TCF4: variants seen among roughly 807,000 people sequenced by gnomAD.
TCF4 encodes the protein SL3-3 enhancer factor 2.
TCF4 carries 3 observed loss-of-function variants against 82.1 expected under a neutral mutation model. That is an observed-to-expected ratio of 0.04 (90% confidence interval 0.02 to 0.09). TCF4 has a LOEUF of 0.09. Ranked by LOEUF, TCF4 falls within the 10% of genes least tolerant of loss-of-function variation. The probability of loss-of-function intolerance (pLI) is 1.00; values close to 1 mark genes in which losing one functional copy is unlikely to be tolerated. For missense variants in TCF4, 518 were observed against 852.7 expected, an observed-to-expected ratio of 0.61 and a Z score of 4.89; for synonymous variants, 276 against 309.6, an observed-to-expected ratio of 0.89 and a Z score of 1.14.
rs1411851440 is a variant in TCF4 at position 55,222,197 on chromosome 18, A to G, written c.*5838T>C. 2 of 152,186 alleles carry G rather than the reference A, an allele frequency of 1.3e-5. No individual in the cohort carries two copies. Among genetic ancestry groups the G allele is most frequent in the East Asian group, 1.9e-4 (1 of 5,200 alleles). The allele number at this position is 152,186 out of a possible 1,614,324, so 9.4% of individuals were successfully genotyped here. On this transcript the variant is annotated 3_prime_UTR_variant, in exon 20 of 20. Transcript: ENST00000354452. ...ATGAACCAAAATGTAAGATTAATGT[A>G]CCTTTTAATGTGGTCCTCTAAAAGA...
At chr18:55,473,819 C>A (rs959906722) in intron 3 of TCF4, among the ~76,000 whole-genome samples, 8 of 152,150 alleles carry the variant, frequency 5.3e-5, no homozygotes, top group Non-Finnish European at 1.0e-4. Flanking sequence ...GAACTTAATG[C>A]AGTTATTCCC....
chr18:55,238,415 C>T (rs1054178074), intron 15 of TCF4, among the ~76,000 whole-genome samples: 1 of 152,156 alleles, frequency 6.6e-6, no homozygotes, highest in African/African-American at 2.4e-5. Flanking sequence ...CAAACATTTT[C>T]TAATCTAGCT....
chr18:55,232,685 G>A lies in TCF4; in HGVS notation c.1487-14C>T. The A allele has an allele frequency of 6.2e-7, 1 of 1,614,088 alleles. No homozygotes were observed. The highest frequency in any genetic ancestry group is 8.5e-7 in the Non-Finnish European group (1 of 1,180,004). ...CTGGTGGCATGCCTGCCGAAAAAGA[G>A]AAATCAGGTGACATGTACACCACAA... On this transcript the variant is annotated splice_polypyrimidine_tract_variant and intron_variant, in intron 16 of 19. Transcript: ENST00000354452.
rs115253393 is a variant in TCF4, at chr18:55,405,021, T to G, written c.305-1503A>C. Among the ~76,000 whole-genome samples the G allele has an allele frequency of 3.4e-3, 522 of 152,374 alleles. 5 individuals carry two copies. The highest frequency in any genetic ancestry group is 0.012 in the African/African-American group (480 of 41,592). On this transcript the variant is annotated intron_variant, in intron 5 of 19. Coordinates refer to ENST00000354452, the MANE Select transcript of TCF4 (RefSeq NM_001083962.2). ...TGAAACAAGACACCATCGCACAGAC[T>G]GTCAGTCTTAGAAGATCTAACAGAA...
chr18:55,249,993 A>G (rs1395557105), intron 15 of TCF4, among the ~76,000 whole-genome samples: 2 of 152,216 alleles, frequency 1.3e-5, no homozygotes, highest in Non-Finnish European at 2.9e-5. Context: ...TAAGAAATCT[A>G]ATCATTTAAT....
intron 2 of TCF4, chr18:55,585,803 A>C: frequency 9.0e-7 from 1 of 1,106,754 alleles, no homozygotes; most frequent in Non-Finnish European, 1.1e-6. Context: ...TAAAAATAAA[A>C]GTGCCACCTG....
chr18:55,252,826 A>T (rs1359069439), intron 15 of TCF4, among the ~76,000 whole-genome samples: 1 of 152,168 alleles, frequency 6.6e-6, no homozygotes, highest in Non-Finnish European at 1.5e-5. Flanking sequence ...ATAAAGCCAG[A>T]TTTCTTAATT....
At chr18:55,611,641 A>C (rs954842349) in intron 2 of TCF4, among the ~76,000 whole-genome samples, 1 of 152,062 alleles carries the variant, frequency 6.6e-6, no homozygotes, top group African/African-American at 2.4e-5. Flanking sequence ...ATAATTTGAA[A>C]TCTTCTAGGA....
In TCF4 at chr18:55,588,105, G is replaced by GCCGCCA. The variant is rs2097670561; in HGVS notation, c.-94_-89dup. 2 of 1,024,104 alleles carry GCCGCCA rather than the reference G, an allele frequency of 2.0e-6. No individual in the cohort carries two copies. Among genetic ancestry groups the GCCGCCA allele is most frequent in the Admixed American group, 6.0e-5 (1 of 16,740 alleles). 63.4% of individuals were successfully genotyped at this position (1,024,104 alleles called of 1,614,324 possible). A position where few individuals can be genotyped will look rare whatever the true frequency, so the allele number is the denominator to read the frequency against. On this transcript the variant is annotated 5_prime_UTR_variant, in exon 1 of 20. Transcript: ENST00000354452. ...GAGGCGGCGTTCATGTCTAACCGCC[G>GCCGCCA]CCGCCACCGCCGCCGCCTGCTCCTG...
chr18:55,591,769 G>A (rs995108754), upstream of TCF4, among the ~76,000 whole-genome samples: 1 of 152,014 alleles, frequency 6.6e-6, no homozygotes, highest in African/African-American at 2.4e-5. Context: ...TGCCCACCTC[G>A]GCCTCCCAAA....
At chr18:55,542,607 T>C (rs1323010755) in intron 3 of TCF4, among the ~76,000 whole-genome samples, 3 of 151,996 alleles carry the variant, frequency 2.0e-5, no homozygotes, top group African/African-American at 7.2e-5. Context: ...CTTCTGATTT[T>C]ATTTGCCCAC....
chr18:55,482,187 C>T (rs1403331370), intron 3 of TCF4: 1 of 152,202 alleles, frequency 6.6e-6, no homozygotes, highest in Admixed American at 6.5e-5. Flanking sequence ...CTAAAGCAGG[C>T]TTCTCTCATG....
chr18:55,463,179 G>A (rs1362630399), intron 4 of TCF4, among the ~76,000 whole-genome samples: 1 of 152,152 alleles, frequency 6.6e-6, no homozygotes, highest in Non-Finnish European at 1.5e-5. Context: ...GGCATTGTAT[G>A]TACATCATAA....
chr18:55,592,401 C>T (rs946509157), upstream of TCF4, among the ~76,000 whole-genome samples: 2 of 152,158 alleles, frequency 1.3e-5, no homozygotes, highest in African/African-American at 4.8e-5. Flanking sequence ...TACCTTCTCA[C>T]TGAATTCTCA....
rs59685050 is a variant in TCF4 at position 55,511,331 on chromosome 18, T to TAAAAAAAAAAAAAAAAAAAAAA, written c.146-47195_146-47194insTTTTTTTTTTTTTTTTTTTTTT. ...AGGTAATAGAGTAATTCCAAAAGTTTAAAAAAAAAAAAAAAAAAAGCATTC... is the reference window on the plus strand; with the variant it reads ...AGGTAATAGAGTAATTCCAAAAGTTTAAAAAAAAAAAAAAAAAAAAAAAAAAAAAAAAAAAAAAAAAGCATTC... On this transcript the variant is annotated intron_variant, in intron 3 of 19. Coordinates refer to ENST00000354452, the MANE Select transcript of TCF4 (RefSeq NM_001083962.2). 1.5e-5 allele frequency among the ~76,000 whole-genome samples: 2 copies of TAAAAAAAAAAAAAAAAAAAAAA among 131,400 alleles called. 1 individual carries two copies. 86.2% of individuals were successfully genotyped at this position (131,400 alleles called of 152,430 possible).
rs562876974 is a variant in TCF4, at chr18:55,524,480, T to C, written c.146-60343A>G. On this transcript the variant is annotated intron_variant, in intron 3 of 19. Coordinates refer to ENST00000354452, the MANE Select transcript of TCF4 (RefSeq NM_001083962.2). ...GTATCTTGCTAATCATTTTCAGATA[T>C]TCTTCAAGTGTTCTTTTCTTTAAAT... Among the ~76,000 whole-genome samples the C allele has an allele frequency of 7.9e-5, 12 of 152,240 alleles. No individual in the cohort carries two copies. The East Asian group carries it at 2.3e-3, about 29-fold the overall frequency.
At chr18:55,634,542 G>A (rs576821799) in intron 1 of TCF4, among the ~76,000 whole-genome samples, 2 of 152,214 alleles carry the variant, frequency 1.3e-5, no homozygotes, top group African/African-American at 4.8e-5. Context: ...CCCATCTAGT[G>A]TGGAGGAATA....
At chr18:55,581,547 C>T (rs1451595433) in intron 3 of TCF4, among the ~76,000 whole-genome samples, 1 of 152,058 alleles carries the variant, frequency 6.6e-6, no homozygotes, top group Non-Finnish European at 1.5e-5. Context: ...TACACACACA[C>T]ACAATATTAA....
At chr18:55,275,841 C>A in intron 9 of TCF4, 89 bp from the exon 10 acceptor site, 2 of 1,521,956 alleles carry the variant, frequency 1.3e-6, no homozygotes, top group Non-Finnish European at 1.8e-6. Context: ...AAAATGACTG[C>A]CTGTTGTGTT....
Sources: allele counts gnomAD v4.1 joint callset (sites outside exome capture counted in the v4.1 genomes callset), GRCh38; gene constraint gnomAD v4.1.1; transcripts MANE v1.5; gene names NCBI Gene and HGNC (gene_info 2026-07-23, HGNC 2026-07-21).